Variants in PDC observed in about 807,000 individuals in gnomAD.
The protein encoded by PDC is 33 kDa phototransducing protein.
A neutral mutation model predicts 22.2 loss-of-function variants in PDC; 19 were observed. The ratio of observed to expected loss-of-function variants is 0.86; its 90% confidence interval spans 0.60 to 1.26. The LOEUF (loss-of-function observed/expected upper bound fraction) is 1.26, where lower values mean the gene tolerates loss of function less well. PDC is among the 50% of genes most tolerant of loss of function. The probability of loss-of-function intolerance (pLI) is 0.00; values close to 1 mark genes in which losing one functional copy is unlikely to be tolerated. For missense variants in PDC, 274 were observed against 286.8 expected (o/e 0.96, Z 0.32); for synonymous variants, 97 against 96.2 (o/e 1.01, Z -0.05).
intron 1 of PDC, among the ~76,000 whole-genome samples, chr1:186,453,957 T>C (rs1662401695): frequency 6.6e-6 from 1 of 152,186 alleles, no homozygotes; most frequent in Non-Finnish European, 1.5e-5. Context: ...AATAAAATGC[T>C]TAATGAATGA....
At position 186,443,859 on chromosome 1, in the gene PDC, AT is replaced by A; in HGVS notation, c.*119del. The stretch of plus-strand genomic sequence containing the variant: ...TAATAACTCGATTGTTGCATCAGTC[AT>A]TTTTGTCAAGTTAGCATAGCCGTGC... On this transcript the variant is annotated 3_prime_UTR_variant, in exon 4 of 4. Transcript: ENST00000391997. 1 of 710,640 alleles carries A rather than the reference AT, an allele frequency of 1.4e-6. No homozygotes were observed. 44.0% of individuals were successfully genotyped at this position (710,640 alleles called of 1,614,324 possible).
chr1:186,444,251 A>C lies in PDC; in HGVS notation c.469T>G (p.Cys157Gly). 1 of 1,614,088 alleles carries C rather than the reference A, an allele frequency of 6.2e-7. No homozygotes were observed. The highest frequency in any genetic ancestry group is 8.5e-7 in the Non-Finnish European group (1 of 1,179,964). The change falls in exon 4 of 4, where the codon TGC becomes GGC. Residue 157 changes from cysteine (C) to glycine (G), a missense_variant. By Grantham distance (159) the Cys-to-Gly change is radical. Transcript: ENST00000391997. ...ACTATAGGGTATTCTGCTGCAAGGC[A>C]TGTTAAACTACTGTTTAGAGCATCA... ...GCDALNSSLT[C>G]LAAEYPIVKF...
At chr1:186,444,600 T>C (rs755889902) in intron 3 of PDC, 94 bp from the exon 4 acceptor site, 2 of 769,528 alleles carry the variant, frequency 2.6e-6, no homozygotes, top group Non-Finnish European at 4.1e-6. Flanking sequence ...GTACTTTTGC[T>C]CTTTTTTTTC....
intron 1 of PDC, chr1:186,451,178 G>C (rs1244023313): frequency 6.6e-6 from 1 of 152,116 alleles, no homozygotes; most frequent in Admixed American, 6.5e-5. Flanking sequence ...TCCCTATCCA[G>C]AATCACTGGA....
At chr1:186,456,744 T>TA (rs1478234504) in intron 1 of PDC, among the ~76,000 whole-genome samples, 1 of 152,210 alleles carries the variant, frequency 6.6e-6, no homozygotes, top group Non-Finnish European at 1.5e-5. Flanking sequence ...GGTGCTGCAC[T>TA]AAAAAGGCAT....
chr1:186,452,686 A>C (rs1160846578), intron 1 of PDC, among the ~76,000 whole-genome samples: 1 of 152,228 alleles, frequency 6.6e-6, no homozygotes, highest in Non-Finnish European at 1.5e-5. Flanking sequence ...TAAACATTTC[A>C]TTTACAATGC....
chr1:186,444,447 A>C lies in PDC; in HGVS notation c.273T>G (p.Arg91=). ...HKEKEDENCL[R]KYRRQCMQDM... is the part of the protein sequence containing the mutation. ...CCTGCATACACTGTCTACGGTATTT[A>C]CGAAGGCAGTTTTCATCCTCTTTCT... Residue 91 remains arginine (R), a synonymous_variant, in exon 4 of 4, where the codon CGT becomes CGG. Coordinates refer to ENST00000391997, the MANE Select transcript of PDC (RefSeq NM_002597.5). 1 of 1,611,392 alleles carries C rather than the reference A, an allele frequency of 6.2e-7. No individual in the cohort carries two copies. The highest frequency in any genetic ancestry group is 8.5e-7 in the Non-Finnish European group (1 of 1,177,612).
chr1:186,460,602 T>C (rs1571729586), intron 1 of PDC, among the ~76,000 whole-genome samples: 2 of 152,300 alleles, frequency 1.3e-5, no homozygotes, highest in African/African-American at 4.8e-5. Context: ...AGGTTCAGTT[T>C]TATCTATGGT....
At chr1:186,457,016 C>G (rs188765844) in intron 1 of PDC, among the ~76,000 whole-genome samples, 1 of 152,296 alleles carries the variant, frequency 6.6e-6, no homozygotes, top group Non-Finnish European at 1.5e-5. Flanking sequence ...GAGTGTCACA[C>G]TGTGTTCTAG....
chr1:186,443,828 A>T lies in PDC; in HGVS notation c.*151T>A. On this transcript the variant is annotated 3_prime_UTR_variant, in exon 4 of 4. Coordinates refer to ENST00000391997, the MANE Select transcript of PDC (RefSeq NM_002597.5). ...ATCAATTTGAGTAACTAATACTAAG[A>T]AATGCTAATAACTCGATTGTTGCAT... is the stretch of plus-strand genomic sequence containing the variant. 1 of 624,040 alleles carries T rather than the reference A, an allele frequency of 1.6e-6. No homozygotes were observed. The highest frequency in any genetic ancestry group is 2.8e-6 in the Non-Finnish European group (1 of 351,518). The allele number at this position is 624,040 out of a possible 1,614,324, so 38.7% of individuals were successfully genotyped here.
At chr1:186,448,736 C>T (rs1558125761) in intron 2 of PDC, 3 of 753,976 alleles carry the variant, frequency 4.0e-6, no homozygotes, top group South Asian at 6.0e-5. Flanking sequence ...GGCTGGTACT[C>T]TTGTGAATTC....
rs962012979 is a variant in PDC at position 186,444,252 on chromosome 1, T to C, written c.468A>G (p.Thr156=). The C allele has an allele frequency of 6.2e-7, 1 of 1,614,104 alleles. No homozygotes were observed. Among genetic ancestry groups the C allele is most frequent in the East Asian group, 2.2e-5 (1 of 44,876 alleles). ...CTATAGGGTATTCTGCTGCAAGGCA[T>C]GTTAAACTACTGTTTAGAGCATCAC... ...KGCDALNSSL[T]CLAAEYPIVK... Residue 156 remains threonine, a synonymous_variant, in exon 4 of 4, where the codon ACA becomes ACG. Transcript: ENST00000391997.
chr1:186,458,223 A>ATTTTTTT (rs1350791663), intron 1 of PDC, among the ~76,000 whole-genome samples: 2 of 73,958 alleles, frequency 2.7e-5, no homozygotes, highest in African/African-American at 1.3e-4. Flanking sequence ...ACATACAGAT[A>ATTTTTTT]TTCTTTTTTT....
chr1:186,449,096 C>A (rs557036342), intron 2 of PDC, among the ~76,000 whole-genome samples: 2 of 152,044 alleles, frequency 1.3e-5, no homozygotes, highest in South Asian at 4.1e-4. Context: ...GGGTGGGGTA[C>A]AATCAGGAGA....
intron 1 of PDC, among the ~76,000 whole-genome samples, chr1:186,452,457 C>T (rs928347685): frequency 4.6e-4 from 70 of 152,186 alleles, no homozygotes; most frequent in African/African-American, 1.5e-3. Flanking sequence ...AGGCTGGTCT[C>T]GATCGCCTGA....
rs1662231955 is a variant in PDC at position 186,446,534 on chromosome 1, C to G, written c.105G>C (p.Glu35Asp). 1 of 1,594,436 alleles carries G rather than the reference C, an allele frequency of 6.3e-7. No individual in the cohort carries two copies. The highest frequency in any genetic ancestry group is 1.3e-5 in the African/African-American group (1 of 74,534). The change falls in exon 3 of 4, where the codon GAG becomes GAC. Residue 35 changes from glutamate (E) to aspartate (D), a missense_variant. Glu to Asp is a conservative substitution (Grantham distance 45). Transcript: ENST00000391997. ...VINDWRKFKL[E>D]SQDSDSIPPS... Reference sequence around the variant, plus strand: ...GTGGAATTGAATCACTGTCTTGACTCTCTAATTTAAACTTTCTCCAATCAT... The same window carrying G: ...GTGGAATTGAATCACTGTCTTGACTGTCTAATTTAAACTTTCTCCAATCAT...
chr1:186,448,600 C>A, intron 2 of PDC: 1 of 575,128 alleles, frequency 1.7e-6, no homozygotes, highest in Middle Eastern at 8.7e-4. Flanking sequence ...TCCATCCTTC[C>A]TTCCTTTTTA....
intron 1 of PDC, among the ~76,000 whole-genome samples, chr1:186,458,520 T>A (rs532303022): frequency 2.0e-5 from 3 of 150,802 alleles, no homozygotes; most frequent in Non-Finnish European, 2.9e-5. Context: ...TAGAGTCGCC[T>A]CAGAAGTCCT....
intron 1 of PDC, among the ~76,000 whole-genome samples, chr1:186,455,700 T>A (rs1459939921): frequency 6.7e-6 from 1 of 148,196 alleles, no homozygotes; most frequent in African/African-American, 2.5e-5. Flanking sequence ...AGTGGCTCAC[T>A]CCTGTAGTCC....
Sources: gnomAD v4.1 joint callset for allele counts (sites outside exome capture counted in the v4.1 genomes callset) on GRCh38, gnomAD v4.1.1 for gene constraint, MANE v1.5 for transcripts, NCBI Gene and HGNC (gene_info 2026-07-23, HGNC 2026-07-21) for gene names.